Variants in XIRP2 observed in about 807,000 individuals in gnomAD.
The protein encoded by XIRP2 is xin actin-binding repeat-containing protein 2.
Under a neutral mutation model 277.0 loss-of-function variants are expected in XIRP2, and 236 were observed. The observed-to-expected ratio is 0.85, with a 90% CI of 0.77 to 0.95. The LOEUF is 0.95. Among genes scored for constraint, XIRP2 ranks in the 40% least tolerant of loss-of-function variants. XIRP2 has a pLI of 0.00. For synonymous variants in XIRP2, 1,490 were observed against 1,416.5 expected (o/e 1.05, Z -1.17); for missense variants, 4,640 against 4,157.5 (o/e 1.12, Z -3.19).
chr2:167,134,872 T>G (rs1691497429), intron 2 of XIRP2, among the ~76,000 whole-genome samples: 1 of 152,096 alleles, frequency 6.6e-6, no homozygotes, highest in African/African-American at 2.4e-5. Context: ...TGAATCACGG[T>G]GGGTAGTATG....
chr2:167,056,929 G>A (rs1177585445), intron 2 of XIRP2, among the ~76,000 whole-genome samples: 2 of 152,082 alleles, frequency 1.3e-5, no homozygotes, highest in African/African-American at 4.8e-5. Context: ...TTCTTTGGGA[G>A]TGATAAACAA....
intron 3 of XIRP2, among the ~76,000 whole-genome samples, chr2:167,184,880 G>A (rs1693113383): frequency 6.6e-6 from 1 of 152,110 alleles, no homozygotes; most frequent in Non-Finnish European, 1.5e-5. Context: ...TATCAGATTA[G>A]ATAGGGAGTA....
chr2:167,235,297 G>A (rs1694868594), intron 5 of XIRP2, among the ~76,000 whole-genome samples: 1 of 151,734 alleles, frequency 6.6e-6, no homozygotes, highest in Non-Finnish European at 1.5e-5. Context: ...AGTGCACTTT[G>A]TAAAGTGATT....
In XIRP2 at chr2:167,010,267, C is replaced by T. The variant is rs531735932; in HGVS notation, c.408+106377C>T. Reference sequence around the variant, plus strand: ...TTGTATAAGGTGTAAGGAAGGGATCCAGTTTCAGCTTTCTACATATGGCTA... The same window carrying T: ...TTGTATAAGGTGTAAGGAAGGGATCTAGTTTCAGCTTTCTACATATGGCTA... On this transcript the variant is annotated intron_variant, in intron 2 of 10. Coordinates refer to ENST00000409195, the MANE Select transcript of XIRP2 (RefSeq NM_152381.6). Among the ~76,000 whole-genome samples the T allele has an allele frequency of 5.9e-5, 9 of 151,990 alleles. No individual in the cohort carries two copies. In the South Asian group the frequency reaches 1.9e-3, roughly 32 times the overall value.
chr2:167,019,095 A>G (rs1687913987), intron 2 of XIRP2, among the ~76,000 whole-genome samples: 1 of 151,970 alleles, frequency 6.6e-6, no homozygotes, highest in Non-Finnish European at 1.5e-5. Flanking sequence ...AGAAATCTGT[A>G]CAACACAGAG....
intron 3 of XIRP2, among the ~76,000 whole-genome samples, chr2:167,144,299 A>G (rs968479485): frequency 1.3e-5 from 2 of 152,136 alleles, no homozygotes; most frequent in African/African-American, 4.8e-5. Context: ...ATAATGTTCT[A>G]TGAATAAATT....
In XIRP2 at chr2:167,245,581, G is replaced by A; in HGVS notation, c.4189G>A (p.Asp1397Asn). The A allele has an allele frequency of 1.9e-6, 3 of 1,613,642 alleles. No individual in the cohort carries two copies. Among genetic ancestry groups the A allele is most frequent in the Non-Finnish European group, 2.5e-6 (3 of 1,179,740 alleles). ...ATACAGATTTGAAACTCAGCCACTG[G>A]ATCAGATTTCTGAAGAATCACATAA... Reference protein sequence around the residue: ...VRYRFETQPLDQISEESHNIM... With the variant: ...VRYRFETQPLNQISEESHNIM... The change falls in exon 9 of 11, where the codon GAT becomes AAT. Residue 1397 changes from aspartate (D) to asparagine (N), a missense_variant. Physicochemically the swap from Asp to Asn is conservative, Grantham distance 23. Coordinates refer to ENST00000409195, the MANE Select transcript of XIRP2 (RefSeq NM_152381.6).
intron 4 of XIRP2, among the ~76,000 whole-genome samples, chr2:167,217,550 A>G (rs1694292213): frequency 6.6e-6 from 1 of 152,092 alleles, no homozygotes; most frequent in South Asian, 2.1e-4. Context: ...TTACTTCTCT[A>G]AGTCTCAATT....
chr2:167,128,303 G>C (rs1429933), intron 2 of XIRP2, among the ~76,000 whole-genome samples: 151,002 of 152,294 alleles, frequency 0.99, 74,864 homozygotes, highest in East Asian at 1. Context: ...ATGTTACCGT[G>C]TTATTCCATT....
At chr2:167,190,212 T>A (rs946317402) in intron 3 of XIRP2, among the ~76,000 whole-genome samples, 1 of 152,170 alleles carries the variant, frequency 6.6e-6, no homozygotes, top group African/African-American at 2.4e-5. Context: ...TTATGGCGGC[T>A]TCATTACATA....
Position 167,085,154 on chromosome 2 carries a change from G to A in XIRP2, c.409-50755G>A, listed in dbSNP as rs1477467310. Among the ~76,000 whole-genome samples, 36 of 150,478 alleles carry A rather than the reference G, an allele frequency of 2.4e-4. No individual in the cohort carries two copies. The East Asian group carries it at 2.7e-3, about 11-fold the overall frequency. ...TCTGGTATGTTGTGTCTTTGGTCTC[G>A]TTGGTTTCAAAGAACATCTTTATTT... On this transcript the variant is annotated intron_variant, in intron 2 of 10. Transcript: ENST00000409195.
chr2:167,208,433 G>A (rs1351805564), intron 3 of XIRP2, among the ~76,000 whole-genome samples: 1 of 152,026 alleles, frequency 6.6e-6, no homozygotes, highest in African/African-American at 2.4e-5. Flanking sequence ...TCAGCCTCCC[G>A]AGTAGCTGGG....
At chr2:166,926,199 G>C (rs1558918423) in intron 2 of XIRP2, among the ~76,000 whole-genome samples, 1 of 151,870 alleles carries the variant, frequency 6.6e-6, no homozygotes, top group African/African-American at 2.4e-5. Context: ...ACTATGTTTG[G>C]AGTTATATAT....
chr2:167,240,579 A>C (rs1695033827), intron 6 of XIRP2, 85 bp from the exon 7 acceptor site: 1 of 1,181,832 alleles, frequency 8.5e-7, no homozygotes, highest in Non-Finnish European at 1.3e-6. Context: ...GGTGAAAATC[A>C]CTGTAAAATG....
At chr2:166,894,461 A>G (rs920713560) in intron 1 of XIRP2, among the ~76,000 whole-genome samples, 1 of 152,106 alleles carries the variant, frequency 6.6e-6, no homozygotes, top group Non-Finnish European at 1.5e-5. Context: ...AGTGTTTCTC[A>G]AAGTATAGAT....
chr2:167,246,608 A>C lies in XIRP2; in HGVS notation c.5216A>C (p.Glu1739Ala), dbSNP rs1695276173. The part of the protein sequence containing the change: ...ISERAKIDAS[E>A]RGNVQFFTTC... The stretch of plus-strand genomic sequence containing the variant: ...GAAAGGGCTAAAATTGATGCCTCTG[A>C]GAGAGGAAATGTTCAGTTTTTCACA... The change falls in exon 9 of 11, where the codon GAG (glutamate) becomes GCG (alanine). Residue 1739 changes from glutamate to alanine, a missense_variant. Transcript: ENST00000409195. 1 of 1,613,652 alleles carries C rather than the reference A, an allele frequency of 6.2e-7. No individual in the cohort carries two copies. The highest frequency in any genetic ancestry group is 1.3e-5 in the African/African-American group (1 of 74,898).
At chr2:167,132,614 T>A (rs761373468) in intron 2 of XIRP2, among the ~76,000 whole-genome samples, 3 of 152,160 alleles carry the variant, frequency 2.0e-5, no homozygotes, top group Admixed American at 2.0e-4. Flanking sequence ...CAGGCCTTTG[T>A]GATCTGCTCC....
At chr2:167,082,896 C>A (rs1689784270) in intron 2 of XIRP2, among the ~76,000 whole-genome samples, 1 of 152,052 alleles carries the variant, frequency 6.6e-6, no homozygotes, top group Admixed American at 6.5e-5. Context: ...TGTAGGTTGC[C>A]TGTTCACTCT....
At position 167,184,985 on chromosome 2, in the gene XIRP2, C is replaced by T. The variant is rs563387770; in HGVS notation, c.563-25750C>T. On this transcript the variant is annotated intron_variant, in intron 3 of 10. Coordinates refer to ENST00000409195, the MANE Select transcript of XIRP2 (RefSeq NM_152381.6). ...ATCTGTCTGTCTGTCTATCATGCAT[C>T]CATCCATCTACCCGTCATTCATCTG... Among the ~76,000 whole-genome samples the T allele has an allele frequency of 3.2e-4, 49 of 152,176 alleles. No individual in the cohort carries two copies. In the South Asian group the frequency reaches 4.4e-3, roughly 14 times the overall value.
Sources: gnomAD v4.1 joint callset for allele counts (sites outside exome capture counted in the v4.1 genomes callset) on GRCh38, gnomAD v4.1.1 for gene constraint, MANE v1.5 for transcripts, NCBI Gene and HGNC (gene_info 2026-07-23, HGNC 2026-07-21) for gene names.